TBC1D16: variants seen among roughly 807,000 people sequenced by gnomAD.
TBC1D16 encodes CTD-2529O21.1.
In TBC1D16, 58 loss-of-function variants were observed where a neutral mutation model predicts 74.7. That is an observed-to-expected ratio of 0.78 (90% CI 0.63 to 0.97). The LOEUF is 0.97. Ranked by LOEUF, TBC1D16 falls within the 50% of genes least tolerant of loss-of-function variation. The probability of loss-of-function intolerance (pLI) is 0.00; values close to 1 mark genes in which losing one functional copy is unlikely to be tolerated. For missense variants in TBC1D16, 1,014 were observed against 1,079.5 expected, an observed-to-expected ratio of 0.94 and a Z score of 0.85; for synonymous variants, 493 against 474.7, an observed-to-expected ratio of 1.04 and a Z score of -0.50.
rs2031393478 is a variant in TBC1D16 at position 79,933,588 on chromosome 17, G to C, written c.*7271C>G. The stretch of plus-strand genomic sequence containing the variant: ...ACAATGGGTTTCAGTTTGATTGAGA[G>C]AAAATAAGGTAAGGGACACGTGCTC... On this transcript the variant is annotated 3_prime_UTR_variant, in exon 12 of 12. Transcript: ENST00000310924. 6.6e-6 allele frequency: 1 copy of C among 152,218 alleles called. No individual in the cohort carries two copies. The highest frequency in any genetic ancestry group is 2.4e-5 in the African/African-American group (1 of 41,434). The allele number at this position is 152,218 out of a possible 1,614,324, so 9.4% of individuals were successfully genotyped here.
rs71959726 is a variant in TBC1D16, at chr17:79,936,909, C to CGTGTGTGTGTGTGTGTGTGT, written c.*3930_*3949dup. The CGTGTGTGTGTGTGTGTGTGT allele has an allele frequency of 5.7e-5, 7 of 122,196 alleles. No individual in the cohort carries two copies. Among genetic ancestry groups the CGTGTGTGTGTGTGTGTGTGT allele is most frequent in the Admixed American group, 1.7e-4 (2 of 11,670 alleles). The allele number at this position is 122,196 out of a possible 1,614,324, so 7.6% of individuals were successfully genotyped here. A position where few individuals can be genotyped will look rare whatever the true frequency, so the allele number is the denominator to read the frequency against. ...GTGCATGCGTGCGTGTGTGCATGTG[C>CGTGTGTGTGTGTGTGTGTGT]GTGTGTGTGTGTGTGTGTGTGTGTG... On this transcript the variant is annotated 3_prime_UTR_variant, in exon 12 of 12. Transcript: ENST00000310924.
At position 80,001,644 on chromosome 17, in the gene TBC1D16, TC is replaced by T. The variant is rs1008065264; in HGVS notation, c.779+8515del. On this transcript the variant is annotated intron_variant, in intron 3 of 11. Coordinates refer to ENST00000310924, the MANE Select transcript of TBC1D16 (RefSeq NM_019020.4). This position sits in a 1 kb window ranked among gnomAD's most constrained non-coding sequence, Gnocchi z 5.8. ...ATGCAGCCCTCCCAGCTCCTGGCCATCCCACCTCCGAGGTCTCTCTGGGACC... is the reference window on the plus strand; with the variant it reads ...ATGCAGCCCTCCCAGCTCCTGGCCATCCACCTCCGAGGTCTCTCTGGGACC... 3.3e-5 allele frequency among the ~76,000 whole-genome samples: 5 copies of T among 152,036 alleles called. No individual in the cohort carries two copies. Among genetic ancestry groups the T allele is most frequent in the African/African-American group, 1.2e-4 (5 of 41,406 alleles).
chr17:80,010,090 G>C lies in TBC1D16; in HGVS notation c.779+70C>G. On this transcript the variant is annotated intron_variant, in intron 3 of 11. Transcript: ENST00000310924. This position sits in a 1 kb window ranked among gnomAD's most constrained non-coding sequence, Gnocchi z 8.8. ...TCACCTGGCATCACAGGTGACGCAG[G>C]TGAGTGCTTCCTGCCCAGGTCAGGC... 3 of 1,303,530 alleles carry C rather than the reference G, an allele frequency of 2.3e-6. No homozygotes were observed. Among genetic ancestry groups the C allele is most frequent in the Non-Finnish European group, 3.2e-6 (3 of 949,326 alleles). 80.7% of individuals were successfully genotyped at this position (1,303,530 alleles called of 1,614,324 possible).
intron 5 of TBC1D16, 51 bp downstream of exon 5, chr17:79,951,399 G>A: frequency 6.3e-7 from 1 of 1,592,628 alleles, no homozygotes; most frequent in Non-Finnish European, 8.6e-7. Context: ...GGGCCCGTGG[G>A]GGGTGGGGAG....
rs952870914 is a variant in TBC1D16 at position 79,956,951 on chromosome 17, C to T, written c.780-4133G>A. ...TTGCTGGGGGAGGTGTGCGGTGGCT[C>T]CTGGGTCCAGGACTCTTGCCTAGAT... is the stretch of plus-strand genomic sequence containing the variant. On this transcript the variant is annotated intron_variant, in intron 3 of 11. Transcript: ENST00000310924. The surrounding 1 kb of genome is among the most constrained non-coding windows in gnomAD (Gnocchi z 4.0). 4.6e-5 allele frequency among the ~76,000 whole-genome samples: 7 copies of T among 152,168 alleles called. No homozygotes were observed. Among genetic ancestry groups the T allele is most frequent in the African/African-American group, 1.7e-4 (7 of 41,436 alleles).
rs2033329438 is a variant in TBC1D16, at chr17:79,956,245, G to A, written c.780-3427C>T. Among the ~76,000 whole-genome samples, 1 of 152,144 alleles carries A rather than the reference G, an allele frequency of 6.6e-6. No homozygotes were observed. Among genetic ancestry groups the A allele is most frequent in the Non-Finnish European group, 1.5e-5 (1 of 68,028 alleles). ...CCAAAGGTCTGTGAGCAAAGAAGCG[G>A]TTTTTTGTTTGTTTGTTTGTTTTTT... On this transcript the variant is annotated intron_variant, in intron 3 of 11. Transcript: ENST00000310924. This position sits in a 1 kb window ranked among gnomAD's most constrained non-coding sequence, Gnocchi z 4.0.
intron 1 of TBC1D16, among the ~76,000 whole-genome samples, chr17:80,033,147 C>G (rs749288831): frequency 1.3e-5 from 2 of 152,116 alleles, no homozygotes; most frequent in Non-Finnish European, 2.9e-5. Flanking sequence ...TGTGGAAAAT[C>G]CAAATAACGG....
At chr17:79,976,276 C>CCCTGCA (rs2034327039) in intron 3 of TBC1D16, among the ~76,000 whole-genome samples, 2 of 152,180 alleles carry the variant, frequency 1.3e-5, no homozygotes, top group Admixed American at 1.3e-4. Flanking sequence ...TGCACTGTCC[C>CCCTGCA]AGGCTGTCTC....
intron 3 of TBC1D16, among the ~76,000 whole-genome samples, chr17:80,005,046 G>A (rs2035623349): frequency 6.6e-6 from 1 of 151,986 alleles, no homozygotes; most frequent in Admixed American, 6.6e-5. Flanking sequence ...CACTTAGGGA[G>A]CAGAATCTGG....
intron 3 of TBC1D16, among the ~76,000 whole-genome samples, chr17:79,960,779 CAAAAAAA>C (rs746450905): frequency 0.15 from 5,155 of 33,900 alleles, 295 homozygotes; most frequent in Middle Eastern, 0.28. Flanking sequence ...AACAAAAACC[CAAAAAAA>C]AAAAAAAAAA....
chr17:79,949,088 C>A (rs750257645), intron 7 of TBC1D16, 82 bp from the exon 8 acceptor site: 16 of 1,569,590 alleles, frequency 1.0e-5, no homozygotes, highest in Non-Finnish European at 1.4e-5. Context: ...AGGAAGCCAC[C>A]CTTCCTCCCA....
rs2031525025 is a variant in TBC1D16 at position 79,935,448 on chromosome 17, C to T, written c.*5411G>A. ...CAGGACCCTCAGTCCCCACAGCCCC[C>T]ATCCAGCTCTCTTTTACACCTTCCC... On this transcript the variant is annotated 3_prime_UTR_variant, in exon 12 of 12. Transcript: ENST00000310924. The T allele has an allele frequency of 6.6e-6, 1 of 152,306 alleles. No homozygotes were observed. Among genetic ancestry groups the T allele is most frequent in the Non-Finnish European group, 1.5e-5 (1 of 68,084 alleles). The allele number at this position is 152,306 out of a possible 1,614,324, so 9.4% of individuals were successfully genotyped here. A position where few individuals can be genotyped will look rare whatever the true frequency, so the allele number is the denominator to read the frequency against.
intron 3 of TBC1D16, among the ~76,000 whole-genome samples, chr17:79,964,417 C>G (rs758597849): frequency 2.6e-5 from 4 of 152,106 alleles, no homozygotes; most frequent in Non-Finnish European, 4.4e-5. Context: ...TATTTTGATG[C>G]GCACATTTTT....
Position 79,989,915 on chromosome 17 carries a change from C to A in TBC1D16, c.779+20245G>T, listed in dbSNP as rs1187015933. Among the ~76,000 whole-genome samples the A allele has an allele frequency of 3.3e-5, 5 of 152,160 alleles. No homozygotes were observed. The East Asian group carries it at 9.6e-4, about 29-fold the overall frequency. ...CAAAAGTCAGCCGAGGGGTCCCCAC[C>A]CTCCTGGGGTGGCTGGGGTGTTGCT... On this transcript the variant is annotated intron_variant, in intron 3 of 11. Transcript: ENST00000310924.
chr17:80,029,790 G>A (rs1441216477), intron 1 of TBC1D16, among the ~76,000 whole-genome samples: 1 of 152,108 alleles, frequency 6.6e-6, no homozygotes, highest in Non-Finnish European at 1.5e-5. Context: ...CAACACAAAT[G>A]CATAACCTTA....
In TBC1D16 at chr17:80,001,131, CTA is replaced by C. The variant is rs2035469783; in HGVS notation, c.779+9027_779+9028del. Among the ~76,000 whole-genome samples the C allele has an allele frequency of 6.6e-6, 1 of 152,244 alleles. No homozygotes were observed. Among genetic ancestry groups the C allele is most frequent in the Admixed American group, 6.5e-5 (1 of 15,290 alleles). On this transcript the variant is annotated intron_variant, in intron 3 of 11. Coordinates refer to ENST00000310924, the MANE Select transcript of TBC1D16 (RefSeq NM_019020.4). The surrounding 1 kb of genome is among the most constrained non-coding windows in gnomAD (Gnocchi z 5.8). ...TGTCCTGTGGCCATTTCTAGACTGA[CTA>C]TGGCCACATGCCAGTTCATGGGGCT...
rs1211687783 is a variant in TBC1D16 at position 80,001,312 on chromosome 17, T to G, written c.779+8848A>C. Among the ~76,000 whole-genome samples, 1 of 152,156 alleles carries G rather than the reference T, an allele frequency of 6.6e-6. No homozygotes were observed. Among genetic ancestry groups the G allele is most frequent in the East Asian group, 1.9e-4 (1 of 5,184 alleles). On this transcript the variant is annotated intron_variant, in intron 3 of 11. Transcript: ENST00000310924. The surrounding 1 kb of genome is among the most constrained non-coding windows in gnomAD (Gnocchi z 5.8). Reference sequence around the variant, plus strand: ...GGAACGCCACACAGAGCCTGCCAAGTGCTACAGAAACAAGACGAGATTAGT... The same window carrying G: ...GGAACGCCACACAGAGCCTGCCAAGGGCTACAGAAACAAGACGAGATTAGT...
At chr17:79,960,261 T>C (rs2033533289) in intron 3 of TBC1D16, among the ~76,000 whole-genome samples, 1 of 151,966 alleles carries the variant, frequency 6.6e-6, no homozygotes. Context: ...CTCAAAACAG[T>C]AATAAGAAAA....
chr17:79,934,113 G>A lies in TBC1D16; in HGVS notation c.*6746C>T, dbSNP rs75181612. ...CGGGCCTGCCCGAGGCACGGCCCCTGAAAAGTGTGGCCCGCCAGGTGGCAC... is the reference window on the plus strand; with the variant it reads ...CGGGCCTGCCCGAGGCACGGCCCCTAAAAAGTGTGGCCCGCCAGGTGGCAC... On this transcript the variant is annotated 3_prime_UTR_variant, in exon 12 of 12. Transcript: ENST00000310924. 6.6e-6 allele frequency: 1 copy of A among 152,400 alleles called. No homozygotes were observed. Among genetic ancestry groups the A allele is most frequent in the East Asian group, 1.9e-4 (1 of 5,178 alleles). 9.4% of individuals were successfully genotyped at this position (152,400 alleles called of 1,614,324 possible). A position where few individuals can be genotyped will look rare whatever the true frequency, so the allele number is the denominator to read the frequency against.
Sources: allele counts gnomAD v4.1 joint callset (sites outside exome capture counted in the v4.1 genomes callset), GRCh38; gene constraint gnomAD v4.1.1; non-coding constraint Gnocchi (gnomAD v3.1); transcripts MANE v1.5; gene names NCBI Gene and HGNC (gene_info 2026-07-23, HGNC 2026-07-21).